CFAP47: variants seen among roughly 807,000 people sequenced by gnomAD.
CFAP47 encodes cilia- and flagella-associated protein 47.
CFAP47 carries 29 observed loss-of-function variants against 148.1 expected under a neutral mutation model. The ratio of observed to expected loss-of-function variants is 0.20; its 90% CI spans 0.15 to 0.27. The LOEUF (loss-of-function observed/expected upper bound fraction) is 0.27, where lower values mean the gene tolerates loss of function less well. Ranked by LOEUF, CFAP47 falls within the 10% of genes least tolerant of loss-of-function variation. The pLI is 1.00. For missense variants in CFAP47, 1,872 were observed against 1,697.5 expected, an observed-to-expected ratio of 1.10 and a Z score of -1.81; for synonymous variants, 664 against 577.3, an observed-to-expected ratio of 1.15 and a Z score of -2.15.
chrX:35,924,118 T>C (rs1485665463), intron 1 of CFAP47, among the ~76,000 whole-genome samples: 2 of 101,157 alleles, frequency 2.0e-5, no homozygotes, highest in South Asian at 4.4e-4. Flanking sequence ...TGTACATGTA[T>C]GCGTACATAT....
At chrX:36,377,036 G>A (rs1942030450) in intron 62 of CFAP47, among the ~76,000 whole-genome samples, 1 of 111,162 alleles carries the variant, frequency 9.0e-6, no homozygotes, top group Admixed American at 9.5e-5. Context: ...ATGGACATTT[G>A]GGTTGGCTCC....
chrX:36,050,801 G>A (rs1000226221), intron 26 of CFAP47, among the ~76,000 whole-genome samples: 4 of 111,883 alleles, frequency 3.6e-5, no homozygotes, highest in African/African-American at 1.3e-4. Flanking sequence ...CACAGGCCTG[G>A]ATGCCTAAGA....
At chrX:36,155,842 C>T (rs1332916369) in intron 37 of CFAP47, among the ~76,000 whole-genome samples, 6 of 111,101 alleles carry the variant, frequency 5.4e-5, no homozygotes, top group Non-Finnish European at 1.1e-4. Flanking sequence ...ACTGGTGACT[C>T]ACAAATTAAA....
chrX:36,012,992 T>G (rs1289283433), intron 21 of CFAP47, among the ~76,000 whole-genome samples: 1 of 110,703 alleles, frequency 9.0e-6, no homozygotes, highest in Non-Finnish European at 1.9e-5. Context: ...GTCTTTTTTT[T>G]TTTGATTCAG....
Position 36,298,981 on chromosome X carries a change from G to A in CFAP47, c.7691G>A (p.Ser2564Asn), listed in dbSNP as rs1459258253. 3 of 1,141,303 alleles carry A rather than the reference G, an allele frequency of 2.6e-6. No homozygotes were observed. The Admixed American group carries it at 7.8e-5, about 30-fold the overall frequency. 94.1% of individuals were successfully genotyped at this position (1,141,303 alleles called of 1,213,427 possible). A position where few individuals can be genotyped will look rare whatever the true frequency, so the allele number is the denominator to read the frequency against. Reference sequence around the variant, plus strand: ...ATATTTGTTGTATAATTCTAGGACAGCACTTGCATTGAAATACCTCTCTCT... The same window carrying A: ...ATATTTGTTGTATAATTCTAGGACAACACTTGCATTGAAATACCTCTCTCT... ...IMEMTCIALD[S>N]TCIEIPLSNP... The change falls in exon 52 of 64, where the codon AGC becomes AAC. Residue 2564 changes from serine to asparagine, a missense_variant. By Grantham distance (46) the Ser-to-Asn change is conservative. Coordinates refer to ENST00000378653, the MANE Select transcript of CFAP47 (RefSeq NM_001304548.2).
chrX:36,145,322 A>G lies in CFAP47; in HGVS notation c.5639A>G (p.Glu1880Gly), dbSNP rs1375653040. ...CTCCCTAAGAAGGTGGTGTCCTTTG[A>G]ATGTACTCTACATGACACGGTGCTG... Reference protein sequence around the residue: ...TYLPKKVVSFECTLHDTVLNK... With the variant: ...TYLPKKVVSFGCTLHDTVLNK... The change falls in exon 36 of 64, where the codon GAA (glutamate) becomes GGA (glycine). Residue 1880 changes from glutamate (E) to glycine (G), a missense_variant. Glu to Gly is a moderately conservative substitution (Grantham distance 98, BLOSUM62 -2). Coordinates refer to ENST00000378653, the MANE Select transcript of CFAP47 (RefSeq NM_001304548.2). 1.3e-5 allele frequency: 4 copies of G among 296,409 alleles called. No homozygotes were observed. Among genetic ancestry groups the G allele is most frequent in the Non-Finnish European group, 2.3e-5 (4 of 170,724 alleles). 24.4% of individuals were successfully genotyped at this position (296,409 alleles called of 1,213,427 possible).
intron 2 of CFAP47, among the ~76,000 whole-genome samples, chrX:35,929,556 T>C (rs1935794313): frequency 8.9e-6 from 1 of 112,275 alleles, no homozygotes; most frequent in South Asian, 3.7e-4. Flanking sequence ...TATGTTTTTT[T>C]AGATTCCTTG....
intron 41 of CFAP47, among the ~76,000 whole-genome samples, chrX:36,189,683 T>C (rs1169496244): frequency 1.1e-4 from 12 of 112,019 alleles, no homozygotes; most frequent in African/African-American, 3.9e-4. Flanking sequence ...GATAAACATA[T>C]AGATAATACA....
At chrX:35,989,682 G>T in intron 16 of CFAP47, 1 of 826,802 alleles carries the variant, frequency 1.2e-6, no homozygotes, top group Non-Finnish European at 1.6e-6. Flanking sequence ...GAATATACTT[G>T]ATGGATTAAA....
intron 57 of CFAP47, among the ~76,000 whole-genome samples, chrX:36,337,961 T>TG (rs782073399): frequency 1.0e-5 from 1 of 98,269 alleles, no homozygotes; most frequent in Admixed American, 1.1e-4. Flanking sequence ...CTCCGCCTCC[T>TG]GGGGTTCACG....
chrX:35,979,840 C>T (rs899619609), intron 15 of CFAP47, among the ~76,000 whole-genome samples: 13 of 111,931 alleles, frequency 1.2e-4, no homozygotes, highest in African/African-American at 3.2e-4. Flanking sequence ...AAGGCAAGCC[C>T]AGCCCATTCC....
chrX:35,988,830 C>G (rs766245212), intron 15 of CFAP47, among the ~76,000 whole-genome samples: 6 of 111,918 alleles, frequency 5.4e-5, no homozygotes, highest in African/African-American at 1.6e-4. Flanking sequence ...AAATCAGAAG[C>G]TACATCTCTA....
At chrX:36,214,125 G>T (rs1555989862) in intron 45 of CFAP47, among the ~76,000 whole-genome samples, 1 of 111,836 alleles carries the variant, frequency 8.9e-6, no homozygotes, top group African/African-American at 3.2e-5. Flanking sequence ...AGGCTATATG[G>T]TACAACCTGT....
At chrX:36,183,100 A>G (rs1298259978) in intron 40 of CFAP47, among the ~76,000 whole-genome samples, 3 of 112,414 alleles carry the variant, frequency 2.7e-5, no homozygotes, top group Non-Finnish European at 3.8e-5. Flanking sequence ...ACTTGAGCTC[A>G]GGAGTTCAAG....
At chrX:35,924,270 T>G (rs750583336) in intron 1 of CFAP47, among the ~76,000 whole-genome samples, 2 of 103,723 alleles carry the variant, frequency 1.9e-5, no homozygotes, top group African/African-American at 7.8e-5. Flanking sequence ...TATGTGTACA[T>G]GTATGTGTAT....
intron 15 of CFAP47, among the ~76,000 whole-genome samples, chrX:35,979,178 C>T: frequency 9.1e-6 from 1 of 110,411 alleles, no homozygotes; most frequent in Non-Finnish European, 1.9e-5. Context: ...GGGGTTTCTC[C>T]ATGTTGGTCA....
intron 21 of CFAP47, among the ~76,000 whole-genome samples, chrX:36,007,511 T>C (rs753405788): frequency 1.8e-5 from 2 of 112,250 alleles, no homozygotes; most frequent in Non-Finnish European, 3.8e-5. Context: ...TTTTCTTTCC[T>C]CATTGAATAC....
intron 62 of CFAP47, chrX:36,374,746 A>AT (rs782319780): frequency 1.5e-3 from 702 of 470,567 alleles, no homozygotes; most frequent in East Asian, 4.2e-3. Context: ...GTCTCAATAT[A>AT]TTTTTTTTTC....
At chrX:36,005,005 A>C (rs1385484202) in intron 21 of CFAP47, among the ~76,000 whole-genome samples, 2 of 110,479 alleles carry the variant, frequency 1.8e-5, no homozygotes, top group African/African-American at 3.3e-5. Context: ...ATATGTGTTA[A>C]TGGTTTTTTT....
Sources: allele counts gnomAD v4.1 joint callset (sites outside exome capture counted in the v4.1 genomes callset), GRCh38; gene constraint gnomAD v4.1.1; transcripts MANE v1.5; gene names NCBI Gene and HGNC (gene_info 2026-07-23, HGNC 2026-07-21).